Variants in KAT14 observed in about 807,000 individuals in gnomAD.
KAT14 encodes cysteine-rich protein 2-binding protein.
Under a neutral mutation model 78.4 loss-of-function variants are expected in KAT14, and 66 were observed. The ratio of observed to expected loss-of-function variants is 0.84; its 90% CI spans 0.69 to 1.03. The LOEUF (loss-of-function observed/expected upper bound fraction) is 1.03. Ranked by LOEUF, KAT14 falls within the 50% of genes least tolerant of loss-of-function variation. KAT14 has a pLI of 0.00. For synonymous variants in KAT14, 344 were observed against 359.4 expected, an observed-to-expected ratio of 0.96 and a Z score of 0.48; for missense variants, 870 against 972.5, an observed-to-expected ratio of 0.89 and a Z score of 1.40.
intron 7 of KAT14, among the ~76,000 whole-genome samples, chr20:18,166,430 C>T (rs1287530720): frequency 1.3e-5 from 2 of 152,190 alleles, no homozygotes; most frequent in Non-Finnish European, 2.9e-5. Flanking sequence ...TGGGCTGGAA[C>T]GTGCCTGTGA....
Position 18,150,918 on chromosome 20 carries a change from A to G in KAT14, c.476A>G (p.His159Arg), listed in dbSNP as rs778338998. The G allele has an allele frequency of 3.7e-6, 6 of 1,614,072 alleles. No homozygotes were observed. The change falls in exon 4 of 11, where the codon CAT becomes CGT. Residue 159 changes from histidine (H) to arginine (R), a missense_variant. His to Arg is a conservative substitution (Grantham distance 29). Coordinates refer to ENST00000688188, the MANE Select transcript of KAT14 (RefSeq NM_001392073.1). ...KEDICAFIEK[H>R]WTFLLGNRKK... Reference sequence around the variant, plus strand: ...GATATCTGTGCTTTTATTGAGAAACATTGGACTTTTTTACTAGGGAATAGG... The same window carrying G: ...GATATCTGTGCTTTTATTGAGAAACGTTGGACTTTTTTACTAGGGAATAGG...
intron 4 of KAT14, among the ~76,000 whole-genome samples, chr20:18,151,665 G>A (rs2038047373): frequency 6.6e-6 from 1 of 151,654 alleles, no homozygotes; most frequent in Non-Finnish European, 1.5e-5. Context: ...TGGCAATTAC[G>A]AAAATTTTTG....
chr20:18,157,812 T>C (rs1019943411), intron 4 of KAT14, among the ~76,000 whole-genome samples: 1 of 152,218 alleles, frequency 6.6e-6, no homozygotes, highest in Non-Finnish European at 1.5e-5. Context: ...CTGAATAATA[T>C]TCTATTGTAT....
At chr20:18,179,895 G>C (rs1403583961) in intron 7 of KAT14, among the ~76,000 whole-genome samples, 1 of 151,894 alleles carries the variant, frequency 6.6e-6, no homozygotes, top group Non-Finnish European at 1.5e-5. Flanking sequence ...TTGAGATAGA[G>C]TCTTGCTCTG....
chr20:18,158,927 G>A (rs1378967241), intron 4 of KAT14, among the ~76,000 whole-genome samples, 157 bp from the exon 5 acceptor site: 3 of 152,174 alleles, frequency 2.0e-5, no homozygotes, highest in South Asian at 2.1e-4. Flanking sequence ...TGAAGCAGGC[G>A]AACTCCAGAG....
intron 7 of KAT14, among the ~76,000 whole-genome samples, chr20:18,180,495 T>C (rs936127378): frequency 1.1e-4 from 17 of 152,352 alleles, no homozygotes; most frequent in African/African-American, 3.4e-4. Context: ...CTCTGCCTAA[T>C]ACCCAGTTCC....
At chr20:18,144,610 C>T (rs2037748397) in intron 2 of KAT14, among the ~76,000 whole-genome samples, 2 of 152,192 alleles carry the variant, frequency 1.3e-5, no homozygotes, top group African/African-American at 4.8e-5. Context: ...CAGCACATTC[C>T]ATTCCTTATG....
chr20:18,150,786 C>G, intron 3 of KAT14, 35 bp from the exon 4 acceptor site: 1 of 1,613,436 alleles, frequency 6.2e-7, no homozygotes, highest in African/African-American at 1.3e-5. Context: ...CCTAACCGTG[C>G]TGTTCTCCCA....
At chr20:18,158,496 G>A (rs1191131733) in intron 4 of KAT14, among the ~76,000 whole-genome samples, 1 of 152,176 alleles carries the variant, frequency 6.6e-6, no homozygotes, top group Non-Finnish European at 1.5e-5. Flanking sequence ...CATTTTGCAT[G>A]TTTTGTTATT....
At chr20:18,138,280 G>T in intron 1 of KAT14, 1 of 1,217,188 alleles carries the variant, frequency 8.2e-7, no homozygotes, top group Non-Finnish European at 1.0e-6. Flanking sequence ...GGACGACCCG[G>T]CTGCCCGGCT....
At chr20:18,176,713 C>T (rs2039064702) in intron 7 of KAT14, among the ~76,000 whole-genome samples, 1 of 152,164 alleles carries the variant, frequency 6.6e-6, no homozygotes, top group African/African-American at 2.4e-5. Flanking sequence ...AATGAGGCTA[C>T]TGGGGTGACA....
intron 5 of KAT14, among the ~76,000 whole-genome samples, chr20:18,159,572 TAATA>T (rs1162019195): frequency 3.3e-5 from 5 of 152,262 alleles, no homozygotes; most frequent in Admixed American, 1.3e-4. Context: ...AAAATTCCCG[TAATA>T]AATAACATGA....
intron 9 of KAT14, 149 bp downstream of exon 9, chr20:18,183,447 A>G: frequency 7.5e-7 from 1 of 1,339,452 alleles, no homozygotes; most frequent in Non-Finnish European, 9.6e-7. Context: ...TAAAATACAA[A>G]TACCTCTTGC....
chr20:18,155,733 AAAC>A (rs1189463398), intron 4 of KAT14, among the ~76,000 whole-genome samples: 4 of 152,224 alleles, frequency 2.6e-5, no homozygotes, highest in South Asian at 4.1e-4. Flanking sequence ...CAAAGAAACA[AAAC>A]AACAACTGTG....
At position 18,142,771 on chromosome 20, in the gene KAT14, C is replaced by G. The variant is rs886587092; in HGVS notation, c.111C>G (p.Leu37=). The change falls in exon 2 of 11, where the codon CTC becomes CTG. Residue 37 remains leucine (L), a synonymous_variant. Coordinates refer to ENST00000688188, the MANE Select transcript of KAT14 (RefSeq NM_001392073.1). Reference sequence around the variant, plus strand: ...AAGGTGAAGTGGAGGGAGAGACGCTCCTGATCGTCGAATCCGAGGATCAGG... The same window carrying G: ...AAGGTGAAGTGGAGGGAGAGACGCTGCTGATCGTCGAATCCGAGGATCAGG... ...LEEGEVEGET[L]LIVESEDQAS... The G allele has an allele frequency of 1.2e-6, 2 of 1,614,190 alleles. No individual in the cohort carries two copies. Among genetic ancestry groups the G allele is most frequent in the Non-Finnish European group, 1.7e-6 (2 of 1,180,040 alleles).
chr20:18,152,536 C>T (rs1471872662), intron 4 of KAT14, among the ~76,000 whole-genome samples: 74 of 152,300 alleles, frequency 4.9e-4, no homozygotes, highest in Non-Finnish European at 1.5e-5. Flanking sequence ...GAGATGGGGC[C>T]ACTTCACTCC....
At chr20:18,177,782 C>A (rs1056559143) in intron 7 of KAT14, among the ~76,000 whole-genome samples, 2 of 152,160 alleles carry the variant, frequency 1.3e-5, no homozygotes, top group African/African-American at 2.4e-5. Flanking sequence ...CATCTGATTT[C>A]TTTGCTATAA....
chr20:18,159,387 T>G, intron 5 of KAT14, 122 bp downstream of exon 5: 1 of 1,115,246 alleles, frequency 9.0e-7, no homozygotes, highest in Non-Finnish European at 1.2e-6. Flanking sequence ...CTACTCTGTT[T>G]AACACTTCTG....
chr20:18,143,941 A>AT (rs2037713996), intron 2 of KAT14, among the ~76,000 whole-genome samples: 1 of 152,062 alleles, frequency 6.6e-6, no homozygotes, highest in Non-Finnish European at 1.5e-5. Flanking sequence ...TGATCTTGAG[A>AT]TTTTCAATGG....
Sources: gnomAD v4.1 joint callset for allele counts (sites outside exome capture counted in the v4.1 genomes callset) on GRCh38, gnomAD v4.1.1 for gene constraint, MANE v1.5 for transcripts, NCBI Gene and HGNC (gene_info 2026-07-23, HGNC 2026-07-21) for gene names.